Variants in UTRN observed in about 807,000 individuals in gnomAD.
UTRN encodes the protein dystrophin-related protein 1.
A neutral mutation model predicts 463.9 loss-of-function variants in UTRN; 283 were observed. That is an observed-to-expected ratio of 0.61 (90% CI 0.55 to 0.67). UTRN has a LOEUF of 0.67. Among genes scored for constraint, UTRN ranks in the 30% least tolerant of loss-of-function variants. UTRN has a pLI of 0.00. For missense variants in UTRN, 3,922 were observed against 4,084.3 expected (o/e 0.96, Z 1.08); for synonymous variants, 1,442 against 1,431.5 (o/e 1.01, Z -0.17).
chr6:144,597,438 T>C (rs1459383117), intron 51 of UTRN, among the ~76,000 whole-genome samples: 1 of 152,202 alleles, frequency 6.6e-6, no homozygotes, highest in African/African-American at 2.4e-5. Context: ...CCCTCATTTA[T>C]TATATTTTAC....
At chr6:144,633,364 G>A (rs1015962450) in intron 51 of UTRN, among the ~76,000 whole-genome samples, 1 of 151,824 alleles carries the variant, frequency 6.6e-6, no homozygotes, top group African/African-American at 2.4e-5. Context: ...TGAGTAGCTG[G>A]GACTACAGGC....
intron 51 of UTRN, among the ~76,000 whole-genome samples, chr6:144,634,054 A>G (rs978603104): frequency 3.3e-5 from 5 of 152,332 alleles, no homozygotes; most frequent in Middle Eastern, 3.4e-3. Context: ...GGGAACTCCT[A>G]TTGTTCAGCC....
chr6:144,322,502 C>A lies in UTRN; in HGVS notation c.79+30595C>A, dbSNP rs185477854. Among the ~76,000 whole-genome samples the A allele has an allele frequency of 3.5e-4, 54 of 152,252 alleles. 1 individual carries two copies. The highest frequency in any genetic ancestry group is 5.9e-4 in the Admixed American group (9 of 15,300). The stretch of plus-strand genomic sequence containing the variant: ...GAATTTATTTTGACCAGCAAACTAC[C>A]CTTGTGACTCATCACCAAGAGCTTC... On this transcript the variant is annotated intron_variant, in intron 2 of 74. Transcript: ENST00000367545.
At chr6:144,538,563 G>A (rs758029015) in intron 44 of UTRN, among the ~76,000 whole-genome samples, 11 of 151,836 alleles carry the variant, frequency 7.2e-5, no homozygotes, top group South Asian at 2.1e-4. Context: ...TCAGCTACTC[G>A]GGAGGCTGAA....
chr6:144,719,164 C>T (rs1786826797), intron 53 of UTRN, among the ~76,000 whole-genome samples: 1 of 152,180 alleles, frequency 6.6e-6, no homozygotes, highest in African/African-American at 2.4e-5. Context: ...TGATCCCCTT[C>T]TAACAATGGC....
At chr6:144,705,735 A>G (rs1785027178) in intron 53 of UTRN, among the ~76,000 whole-genome samples, 1 of 152,212 alleles carries the variant, frequency 6.6e-6, no homozygotes, top group African/African-American at 2.4e-5. Flanking sequence ...CAATCAAATG[A>G]AATAGTGGAA....
chr6:144,610,762 C>T (rs1403196287), intron 51 of UTRN, among the ~76,000 whole-genome samples: 1 of 152,160 alleles, frequency 6.6e-6, no homozygotes, highest in Non-Finnish European at 1.5e-5. Flanking sequence ...GTAATCCTAG[C>T]TACTTGAGAG....
intron 57 of UTRN, 103 bp downstream of exon 57, chr6:144,754,901 T>C: frequency 8.9e-7 from 1 of 1,120,632 alleles, no homozygotes; most frequent in Non-Finnish European, 1.3e-6. Flanking sequence ...TATGTTTATT[T>C]AGATAGATCC....
At chr6:144,412,976 T>C (rs1784052749) in intron 3 of UTRN, among the ~76,000 whole-genome samples, 1 of 152,222 alleles carries the variant, frequency 6.6e-6, no homozygotes, top group Non-Finnish European at 1.5e-5. Context: ...TCCAACTGTT[T>C]TTATTATATG....
rs1216270972 is a variant in UTRN, at chr6:144,732,261, CACAT to C, written c.7939+1777_7939+1780del. Among the ~76,000 whole-genome samples, 544 of 122,602 alleles carry C rather than the reference CACAT, an allele frequency of 4.4e-3. 11 individuals are homozygous for C. The highest frequency in any genetic ancestry group is 0.016 in the African/African-American group (487 of 30,382). The allele number at this position is 122,602 out of a possible 152,430, so 80.4% of individuals were successfully genotyped here. A position where few individuals can be genotyped will look rare whatever the true frequency, so the allele number is the denominator to read the frequency against. On this transcript the variant is annotated intron_variant, in intron 54 of 74. Transcript: ENST00000367545. ...ATACATATATATATATATATATACA[CACAT>C]ATATATATATATACACACATATATA...
intron 1 of UTRN, among the ~76,000 whole-genome samples, chr6:144,287,308 A>G (rs991037501): frequency 2.6e-5 from 4 of 152,034 alleles, no homozygotes; most frequent in Non-Finnish European, 5.9e-5. Context: ...CCTAAAATTT[A>G]TTGGCTCTGT....
Position 144,429,677 on chromosome 6 carries a change from G to C in UTRN, c.791G>C (p.Arg264Pro). Residue 264 changes from arginine to proline, a missense_variant, in exon 9 of 75, where the codon CGT becomes CCT. Transcript: ENST00000367545. ...CAGCAAGTCACCATAGACGCCATCC[G>C]TGAGGTAGAGACACTCCCAAGGAAA... ...LPQQVTIDAI[R>P]EVETLPRKYK... The C allele has an allele frequency of 6.2e-7, 1 of 1,612,988 alleles. No individual in the cohort carries two copies. Among genetic ancestry groups the C allele is most frequent in the Non-Finnish European group, 8.5e-7 (1 of 1,179,440 alleles).
chr6:144,288,081 A>G (rs773118246), intron 1 of UTRN, among the ~76,000 whole-genome samples: 1 of 152,234 alleles, frequency 6.6e-6, no homozygotes, highest in African/African-American at 2.4e-5. Flanking sequence ...CCTTTGCCTT[A>G]AGTGTACTCA....
chr6:144,312,741 G>C (rs1775020926), intron 2 of UTRN, among the ~76,000 whole-genome samples: 1 of 151,868 alleles, frequency 6.6e-6, no homozygotes, highest in Non-Finnish European at 1.5e-5. Flanking sequence ...TGATTTTCTG[G>C]TAGAATTCTT....
intron 53 of UTRN, among the ~76,000 whole-genome samples, chr6:144,723,336 G>A (rs1243806064): frequency 6.6e-6 from 1 of 151,996 alleles, no homozygotes; most frequent in East Asian, 1.9e-4. Context: ...GAACAGATTG[G>A]GTGACTTTGT....
intron 54 of UTRN, among the ~76,000 whole-genome samples, chr6:144,732,718 GTTATGTTATT>G (rs1160310464): frequency 1.5e-5 from 2 of 137,776 alleles, no homozygotes; most frequent in South Asian, 2.4e-4. Context: ...GTTATGTTAT[GTTATGTTATT>G]TTGAGACAGG....
intron 29 of UTRN, 29 bp downstream of exon 29, chr6:144,487,726 A>G: frequency 6.4e-7 from 1 of 1,567,902 alleles, no homozygotes; most frequent in Non-Finnish European, 8.7e-7. Flanking sequence ...ATGGGTGTTG[A>G]TTAGGTATTG....
intron 52 of UTRN, among the ~76,000 whole-genome samples, chr6:144,683,314 T>A (rs35290244): frequency 0.014 from 2,058 of 152,290 alleles, 23 homozygotes; most frequent in Non-Finnish European, 0.02. Flanking sequence ...GCATGCCCAA[T>A]TATTCTCCCT....
chr6:144,712,126 A>T (rs1467191909), intron 53 of UTRN, among the ~76,000 whole-genome samples: 1 of 152,130 alleles, frequency 6.6e-6, no homozygotes, highest in Non-Finnish European at 1.5e-5. Context: ...ATTAAAAAAA[A>T]TTATTTTCCA....
Sources: gnomAD v4.1 joint callset for allele counts (sites outside exome capture counted in the v4.1 genomes callset) on GRCh38, gnomAD v4.1.1 for gene constraint, MANE v1.5 for transcripts, NCBI Gene and HGNC (gene_info 2026-07-23, HGNC 2026-07-21) for gene names.